MRPL45: variants seen among roughly 807,000 people sequenced by gnomAD.
MRPL45 encodes the protein large ribosomal subunit protein mL45.
In MRPL45, 20 loss-of-function variants were observed where a neutral mutation model predicts 38.1. The observed-to-expected ratio is 0.53, with a 90% confidence interval of 0.37 to 0.76. The LOEUF is 0.76. MRPL45 is among the 30% of genes least tolerant of loss of function. The pLI, the probability that MRPL45 is intolerant of heterozygous loss-of-function variation, is 0.00. For synonymous variants in MRPL45, 105 were observed against 128.8 expected, an observed-to-expected ratio of 0.82 and a Z score of 1.25; for missense variants, 337 against 395.6, an observed-to-expected ratio of 0.85 and a Z score of 1.26.
chr17:38,308,010 T>C (rs1237494916), intron 4 of MRPL45, among the ~76,000 whole-genome samples: 1 of 151,918 alleles, frequency 6.6e-6, no homozygotes, highest in Non-Finnish European at 1.5e-5. Flanking sequence ...GCTCAAGCGA[T>C]CCTCCCATCT....
At chr17:38,304,901 C>T (rs1409574989) in intron 3 of MRPL45, among the ~76,000 whole-genome samples, 4 of 148,256 alleles carry the variant, frequency 2.7e-5, no homozygotes, top group Non-Finnish European at 5.9e-5. Flanking sequence ...GGCTGGAGTG[C>T]AGTGGCAGGA....
intron 3 of MRPL45, among the ~76,000 whole-genome samples, chr17:38,299,969 C>A (rs2036975986): frequency 6.6e-6 from 1 of 151,906 alleles, no homozygotes; most frequent in East Asian, 1.9e-4. Flanking sequence ...GTCTTGAACT[C>A]CTGACCTCAG....
chr17:38,297,330 C>T (rs1598968570), intron 1 of MRPL45, 81 bp downstream of exon 1: 6 of 1,359,130 alleles, frequency 4.4e-6, no homozygotes, highest in East Asian at 2.3e-5. Context: ...GTGCAATTGT[C>T]CTTGGTGAGC....
Position 38,322,214 on chromosome 17 carries a change from A to G in MRPL45, c.749A>G (p.Lys250Arg), listed in dbSNP as rs1388276569. Residue 250 changes from lysine (K) to arginine (R), a missense_variant, in exon 7 of 8, where the codon AAG (lysine) becomes AGG (arginine). Physicochemically the swap from Lys to Arg is conservative, Grantham distance 26. Around this residue, in one of 3 missense-constraint regions of MRPL45, gnomAD observed 251 missense variants for 269.1 expected, o/e 0.93. Coordinates refer to ENST00000613675, the MANE Select transcript of MRPL45 (RefSeq NM_032351.6). ...KDVLEYVVFE[K>R]QLTNPYGSWR... Reference sequence around the variant, plus strand: ...GTCCTGGAGTATGTTGTATTCGAAAAGCAGTTGACAAACCCCTATGGAAGC... The same window carrying G: ...GTCCTGGAGTATGTTGTATTCGAAAGGCAGTTGACAAACCCCTATGGAAGC... 26 of 1,614,146 alleles carry G rather than the reference A, an allele frequency of 1.6e-5. No homozygotes were observed. The highest frequency in any genetic ancestry group is 2.2e-5 in the Non-Finnish European group (26 of 1,180,024).
At chr17:38,299,708 G>A (rs2036972966) in intron 3 of MRPL45, among the ~76,000 whole-genome samples, 1 of 151,172 alleles carries the variant, frequency 6.6e-6, no homozygotes, top group Non-Finnish European at 1.5e-5. Flanking sequence ...TGACTTTGGA[G>A]TGTATAGGAT....
At chr17:38,315,460 G>T (rs2037164410) in intron 4 of MRPL45, among the ~76,000 whole-genome samples, 2 of 151,478 alleles carry the variant, frequency 1.3e-5, no homozygotes, top group Non-Finnish European at 2.9e-5. Context: ...TAGAGACAGG[G>T]GTCTCGCTTT....
chr17:38,300,595 C>T (rs2036984141), intron 3 of MRPL45, among the ~76,000 whole-genome samples: 1 of 152,094 alleles, frequency 6.6e-6, no homozygotes, highest in Admixed American at 6.6e-5. Flanking sequence ...GGTTTATGTG[C>T]ATAAGTATAT....
Position 38,322,623 on chromosome 17 carries a change from C to T in MRPL45, c.*28C>T, listed in dbSNP as rs752326050. The T allele has an allele frequency of 3.2e-6, 5 of 1,574,044 alleles. No homozygotes were observed. The Admixed American group carries it at 8.5e-5, about 27-fold the overall frequency. On this transcript the variant is annotated 3_prime_UTR_variant, in exon 8 of 8. Transcript: ENST00000613675. ...ACAAAAATGACTTCTAGGGTGAAGC[C>T]TGGGTGATGAGGCTGCTGGAAGCTT...
At chr17:38,304,227 T>G in intron 3 of MRPL45, among the ~76,000 whole-genome samples, 1 of 152,122 alleles carries the variant, frequency 6.6e-6, no homozygotes. Flanking sequence ...TCTCAACACT[T>G]TGGGAGGCTG....
Position 38,320,722 on chromosome 17 carries a change from G to A in MRPL45, c.615G>A (p.Gln205=), listed in dbSNP as rs1415119871. 3 of 1,614,132 alleles carry A rather than the reference G, an allele frequency of 1.9e-6. No homozygotes were observed. Among genetic ancestry groups the A allele is most frequent in the Non-Finnish European group, 8.5e-7 (1 of 1,180,020 alleles). ...TTCGCTGTTCAAGTATGATGAACCAGGGCAACGTGTACGGCCAGATCACCG... is the reference window on the plus strand; with the variant it reads ...TTCGCTGTTCAAGTATGATGAACCAAGGCAACGTGTACGGCCAGATCACCG... ...VQVRCSSMMN[Q]GNVYGQITVR... is the part of the protein sequence containing the mutation. Residue 205 remains glutamine (Q), a synonymous_variant, in exon 6 of 8, where the codon CAG becomes CAA. Coordinates refer to ENST00000613675, the MANE Select transcript of MRPL45 (RefSeq NM_032351.6).
chr17:38,300,073 C>T (rs916409042), intron 3 of MRPL45, among the ~76,000 whole-genome samples: 4 of 151,070 alleles, frequency 2.6e-5, no homozygotes, highest in Non-Finnish European at 5.9e-5. Flanking sequence ...TATTTTGAGA[C>T]GGAGTTTCAC....
In MRPL45 at chr17:38,306,645, C is replaced by G. The variant is rs571591103; in HGVS notation, c.461+14C>G. 31 of 1,613,380 alleles carry G rather than the reference C, an allele frequency of 1.9e-5. No homozygotes were observed. The highest frequency in any genetic ancestry group is 1.7e-4 in the Admixed American group (10 of 59,854). On this transcript the variant is annotated intron_variant, in intron 4 of 7. Transcript: ENST00000613675. ...TTGTCTAAATAAGTAAGTGAACTCC[C>G]TATCTTTACCCATTCTGTTCTCAGC...
chr17:38,305,370 G>T (rs2037041784), intron 3 of MRPL45, among the ~76,000 whole-genome samples: 1 of 144,988 alleles, frequency 6.9e-6, no homozygotes, highest in Non-Finnish European at 1.5e-5. Context: ...GGGAGGCTGA[G>T]GCAGGAGAAT....
chr17:38,298,980 C>G (rs534997718), intron 2 of MRPL45, among the ~76,000 whole-genome samples: 3 of 150,968 alleles, frequency 2.0e-5, no homozygotes, highest in African/African-American at 4.9e-5. Flanking sequence ...CCTCTGCCCC[C>G]CTGGGTTCAA....
In MRPL45 at chr17:38,297,791, C is replaced by T. The variant is rs369223618; in HGVS notation, c.66+542C>T. Among the ~76,000 whole-genome samples, 36 of 152,246 alleles carry T rather than the reference C, an allele frequency of 2.4e-4. No homozygotes were observed. In the East Asian group the frequency reaches 5.4e-3, roughly 23 times the overall value. On this transcript the variant is annotated intron_variant, in intron 1 of 7. Transcript: ENST00000613675. ...AGCAGATGCCTACAAGAGGACTTTGCTTATGCTTTAAGCATAGCATTCAGG... is the reference window on the plus strand; with the variant it reads ...AGCAGATGCCTACAAGAGGACTTTGTTTATGCTTTAAGCATAGCATTCAGG...
chr17:38,299,614 G>C (rs1424255403), intron 3 of MRPL45, 146 bp downstream of exon 3: 29 of 562,942 alleles, frequency 5.2e-5, no homozygotes, highest in Non-Finnish European at 8.6e-5. Flanking sequence ...ACTAGAGTCT[G>C]TATTTAATGC....
At chr17:38,319,264 T>C (rs1318246447) in intron 5 of MRPL45, among the ~76,000 whole-genome samples, 2 of 151,966 alleles carry the variant, frequency 1.3e-5, no homozygotes, top group Non-Finnish European at 2.9e-5. Context: ...CTCGATCTTC[T>C]GACCTCGTGA....
intron 3 of MRPL45, among the ~76,000 whole-genome samples, chr17:38,300,399 A>T (rs1472823002): frequency 6.6e-6 from 1 of 152,064 alleles, no homozygotes; most frequent in African/African-American, 2.4e-5. Context: ...CCTGGGCTCA[A>T]GCAGTCCTCC....
intron 2 of MRPL45, among the ~76,000 whole-genome samples, chr17:38,298,959 G>T (rs927933562): frequency 3.8e-4 from 58 of 151,372 alleles, no homozygotes; most frequent in African/African-American, 1.2e-3. Context: ...CACAATCTGG[G>T]CTCACTGCAA....
Sources: gnomAD v4.1 joint callset for allele counts (sites outside exome capture counted in the v4.1 genomes callset) on GRCh38, gnomAD v4.1.1 for gene constraint, gnomAD v4.1.1 regional missense constraint, MANE v1.5 for transcripts, NCBI Gene and HGNC (gene_info 2026-07-23, HGNC 2026-07-21) for gene names.